The following BAZ1A variants were observed in gnomAD, a reference collection of about 807,000 sequenced individuals.
The protein encoded by BAZ1A is bromodomain adjacent to zinc finger domain protein 1A.
In BAZ1A, 50 loss-of-function variants were observed where a neutral mutation model predicts 185.2. The observed-to-expected ratio is 0.27, with a 90% confidence interval of 0.22 to 0.34. The LOEUF (loss-of-function observed/expected upper bound fraction) is 0.34, where lower values mean the gene tolerates loss of function less well. BAZ1A is among the 10% of genes least tolerant of loss of function. The pLI is 1.00. For synonymous variants in BAZ1A, 571 were observed against 615.6 expected (o/e 0.93, Z 1.07); for missense variants, 1,356 against 1,839.9 (o/e 0.74, Z 4.81).
At chr14:34,812,510 AAAGACACTCTGGGG>A (rs1336835714) in intron 4 of BAZ1A, among the ~76,000 whole-genome samples, 1 of 152,160 alleles carries the variant, frequency 6.6e-6, no homozygotes, top group African/African-American at 2.4e-5. Context: ...GCTATGTGGA[AAAGACACTCTGGGG>A]AAGACACTCT....
Position 34,853,450 on chromosome 14 carries a change from A to C in BAZ1A, c.392+8594T>G, listed in dbSNP as rs1012309142. On this transcript the variant is annotated intron_variant, in intron 3 of 26. Transcript: ENST00000360310. ...CTTTGAAAGCATAAAGTCTTGGTGGAGAGGAGGAAGCACCTAAGCTATACT... is the reference window on the plus strand; with the variant it reads ...CTTTGAAAGCATAAAGTCTTGGTGGCGAGGAGGAAGCACCTAAGCTATACT... 8.5e-5 allele frequency among the ~76,000 whole-genome samples: 13 copies of C among 152,312 alleles called. No individual in the cohort carries two copies. In the Middle Eastern group the frequency reaches 0.01, roughly 120 times the overall value.
intron 3 of BAZ1A, among the ~76,000 whole-genome samples, chr14:34,849,241 G>C (rs1469723159): frequency 6.6e-6 from 1 of 152,186 alleles, no homozygotes; most frequent in Non-Finnish European, 1.5e-5. Flanking sequence ...AGTGAGCTAT[G>C]ATCGCTGCAT....
chr14:34,872,937 A>AC (rs1274153103), intron 2 of BAZ1A, among the ~76,000 whole-genome samples: 4,233 of 133,478 alleles, frequency 0.032, 219 homozygotes, highest in Non-Finnish European at 0.055. Flanking sequence ...AAAAAAAAAA[A>AC]AAAACTTGTC....
intron 4 of BAZ1A, chr14:34,816,766 C>T (rs1422867117): frequency 9.7e-6 from 4 of 412,996 alleles, no homozygotes; most frequent in African/African-American, 6.2e-5. Flanking sequence ...TAGTGACTGT[C>T]TGAGTCAGGA....
chr14:34,770,342 G>A (rs945951976), intron 21 of BAZ1A, among the ~76,000 whole-genome samples: 18 of 151,992 alleles, frequency 1.2e-4, no homozygotes, highest in East Asian at 3.9e-4. Context: ...TAGTAGAGAC[G>A]GGGTTTCACC....
intron 3 of BAZ1A, among the ~76,000 whole-genome samples, chr14:34,830,299 C>G (rs1258240699): frequency 7.2e-6 from 1 of 139,544 alleles, no homozygotes; most frequent in African/African-American, 2.6e-5. Context: ...TATTATCCAG[C>G]AAAAAAAAAA....
intron 21 of BAZ1A, chr14:34,768,727 C>G (rs1427508541): frequency 2.3e-6 from 1 of 428,040 alleles, no homozygotes; most frequent in African/African-American, 2.1e-5. Flanking sequence ...CTCTCTTTTT[C>G]TTGTCCTTTT....
intron 3 of BAZ1A, among the ~76,000 whole-genome samples, chr14:34,846,292 T>G (rs2138775989): frequency 6.6e-6 from 1 of 152,286 alleles, no homozygotes; most frequent in East Asian, 1.9e-4. Flanking sequence ...GTAATGACCG[T>G]AAGTCCTGGT....
rs1879590951 is a variant in BAZ1A at position 34,776,175 on chromosome 14, A to C, written c.2577T>G (p.Thr859=). The C allele has an allele frequency of 6.2e-7, 1 of 1,614,078 alleles. No individual in the cohort carries two copies. Among genetic ancestry groups the C allele is most frequent in the African/African-American group, 1.3e-5 (1 of 74,938 alleles). ...TAGATTCAGACATCAAAGGCTCTCC[A>C]GTTTTAGTGGATACCTGAGGATCTT... ...QSQDPQVSTK[T]GEPLMSESTS... Residue 859 remains threonine (T), a synonymous_variant, in exon 18 of 27, where the codon ACT becomes ACG. Transcript: ENST00000360310.
At chr14:34,823,899 A>G (rs1185327556) in intron 4 of BAZ1A, among the ~76,000 whole-genome samples, 1 of 152,108 alleles carries the variant, frequency 6.6e-6, no homozygotes, top group African/African-American at 2.4e-5. Context: ...CTGATTTATA[A>G]CTAACTCCAT....
chr14:34,790,350 ATTTG>A (rs999752969), intron 12 of BAZ1A, among the ~76,000 whole-genome samples: 2 of 151,504 alleles, frequency 1.3e-5, no homozygotes, highest in South Asian at 2.1e-4. Context: ...TGATTTATTT[ATTTG>A]TTTATTTATT....
At chr14:34,868,414 C>T (rs2042896168) in intron 2 of BAZ1A, among the ~76,000 whole-genome samples, 1 of 152,146 alleles carries the variant, frequency 6.6e-6, no homozygotes, top group Non-Finnish European at 1.5e-5. Context: ...GGCGAACAAA[C>T]TGAGGAACAA....
At chr14:34,797,723 G>GATCCAAGAT (rs1303290479) in intron 9 of BAZ1A, among the ~76,000 whole-genome samples, 6 of 152,192 alleles carry the variant, frequency 3.9e-5, no homozygotes, top group Non-Finnish European at 7.3e-5. Flanking sequence ...GGTCCAGTCT[G>GATCCAAGAT]CAGCTCCCAG....
At chr14:34,862,933 C>T (rs2042793165) in intron 2 of BAZ1A, among the ~76,000 whole-genome samples, 1 of 151,146 alleles carries the variant, frequency 6.6e-6, no homozygotes. Flanking sequence ...TTCTATTCTG[C>T]TGGAATTCCT....
At chr14:34,863,311 G>C (rs1167208360) in intron 2 of BAZ1A, among the ~76,000 whole-genome samples, 2 of 151,502 alleles carry the variant, frequency 1.3e-5, no homozygotes, top group Non-Finnish European at 2.9e-5. Context: ...TTACAGGCAT[G>C]TGCCACCACG....
At chr14:34,834,230 C>G (rs571711177) in intron 3 of BAZ1A, among the ~76,000 whole-genome samples, 89 of 152,268 alleles carry the variant, frequency 5.8e-4, no homozygotes, top group African/African-American at 2.0e-3. Context: ...ATGAAGGAAG[C>G]TTTTCAGGGA....
At chr14:34,796,165 T>TACACACACAC (rs61285890) in intron 9 of BAZ1A, among the ~76,000 whole-genome samples, 13,706 of 146,492 alleles carry the variant, frequency 0.094, 707 homozygotes, top group Admixed American at 0.15. Context: ...TACATATACA[T>TACACACACAC]ACACACACAC....
chr14:34,808,939 T>C (rs913121006), intron 5 of BAZ1A, among the ~76,000 whole-genome samples: 3 of 152,222 alleles, frequency 2.0e-5, no homozygotes, highest in Admixed American at 6.5e-5. Flanking sequence ...CAAAAATGTA[T>C]ACAGTTAGCC....
At chr14:34,759,171 G>GTTTTTTTTTTTTGTTTTTTT (rs1555336945) in intron 24 of BAZ1A, among the ~76,000 whole-genome samples, 3 of 66,474 alleles carry the variant, frequency 4.5e-5, no homozygotes, top group Admixed American at 2.2e-4. Flanking sequence ...TACAGCTACA[G>GTTTTTTTTTTTTGTTTTTTT]TTTTTTTTTT....
Sources: allele counts gnomAD v4.1 joint callset (sites outside exome capture counted in the v4.1 genomes callset), GRCh38; gene constraint gnomAD v4.1.1; transcripts MANE v1.5; gene names NCBI Gene and HGNC (gene_info 2026-07-23, HGNC 2026-07-21).